XIRP2: variants seen among roughly 807,000 people sequenced by gnomAD.
The protein encoded by XIRP2 is xin actin-binding repeat-containing protein 2.
XIRP2 carries 236 observed loss-of-function variants against 277.0 expected under a neutral mutation model. That is an observed-to-expected ratio of 0.85 (90% CI 0.77 to 0.95). The LOEUF (loss-of-function observed/expected upper bound fraction) is 0.95, where lower values mean the gene tolerates loss of function less well. Ranked by LOEUF, XIRP2 falls within the 40% of genes least tolerant of loss-of-function variation. The pLI is 0.00. For synonymous variants in XIRP2, 1,490 were observed against 1,416.5 expected, an observed-to-expected ratio of 1.05 and a Z score of -1.17; for missense variants, 4,640 against 4,157.5, an observed-to-expected ratio of 1.12 and a Z score of -3.19.
Position 167,251,515 on chromosome 2 carries a change from G to T in XIRP2, c.10123G>T (p.Glu3375Ter). 4 of 1,613,470 alleles carry T rather than the reference G, an allele frequency of 2.5e-6. No homozygotes were observed. The highest frequency in any genetic ancestry group is 3.4e-6 in the Non-Finnish European group (4 of 1,179,628). Reference sequence around the variant, plus strand: ...AGAAAGTCGTACATTTTGTAAGGAGGAATTTGGATTAACATCTTTAGGAAA... The same window carrying T: ...AGAAAGTCGTACATTTTGTAAGGAGTAATTTGGATTAACATCTTTAGGAAA... Reference protein sequence around the residue: ...QQESRTFCKEEFGLTSLGNTS... With the variant: ...QQESRTFCKE Residue 3375 changes from glutamate (E) to a stop codon, truncating the protein, a stop_gained, in exon 9 of 11, where the codon GAA becomes TAA. Coordinates refer to ENST00000409195, the MANE Select transcript of XIRP2 (RefSeq NM_152381.6). LOFTEE classifies it high-confidence loss of function.
rs768815973 is a variant in XIRP2, at chr2:167,250,414, G to T, written c.9022G>T (p.Val3008Leu). 1.1e-5 allele frequency: 17 copies of T among 1,613,280 alleles called. No homozygotes were observed. The highest frequency in any genetic ancestry group is 1.4e-5 in the Non-Finnish European group (16 of 1,179,662). The change falls in exon 9 of 11, where the codon GTA becomes TTA. Residue 3008 changes from valine to leucine, a missense_variant. Val to Leu is a conservative substitution (Grantham distance 32). Coordinates refer to ENST00000409195, the MANE Select transcript of XIRP2 (RefSeq NM_152381.6). ...HIAMENNLEKVKEEITHIKTQ... is the reference protein window; with the variant it reads ...HIAMENNLEKLKEEITHIKTQ... ...TGCCATGGAGAATAATTTAGAAAAA[G>T]TAAAAGAAGAAATAACACATATTAA...
chr2:167,160,645 C>T (rs1221897108), intron 3 of XIRP2, among the ~76,000 whole-genome samples: 2 of 152,130 alleles, frequency 1.3e-5, no homozygotes, highest in Non-Finnish European at 2.9e-5. Flanking sequence ...GAAAGACTTG[C>T]CCCCATGATT....
intron 2 of XIRP2, among the ~76,000 whole-genome samples, chr2:166,947,085 T>C (rs929414898): frequency 6.6e-6 from 1 of 152,198 alleles, no homozygotes; most frequent in Admixed American, 6.5e-5. Flanking sequence ...GAAAATAGAA[T>C]CTATCAATAA....
chr2:166,923,712 C>T (rs760890883), intron 2 of XIRP2, among the ~76,000 whole-genome samples: 5 of 152,202 alleles, frequency 3.3e-5, no homozygotes, highest in Non-Finnish European at 7.4e-5. Context: ...AAGGAGTTCA[C>T]ACTTTTGCAA....
At chr2:166,939,608 A>T (rs1349655800) in intron 2 of XIRP2, among the ~76,000 whole-genome samples, 1 of 134,708 alleles carries the variant, frequency 7.4e-6, no homozygotes, top group Non-Finnish European at 1.5e-5. Context: ...TGAACCCAGG[A>T]GGTGGAGCTT....
chr2:166,969,136 AT>A (rs1686506252), intron 2 of XIRP2, among the ~76,000 whole-genome samples: 1 of 152,004 alleles, frequency 6.6e-6, no homozygotes, highest in Admixed American at 6.6e-5. Flanking sequence ...GTGTTTCTTC[AT>A]TCACATCCAG....
chr2:167,249,638 T>A lies in XIRP2; in HGVS notation c.8246T>A (p.Leu2749Gln). The change falls in exon 9 of 11, where the codon CTG (leucine) becomes CAG (glutamine). Residue 2749 changes from leucine (L) to glutamine (Q), a missense_variant. Transcript: ENST00000409195. ...CAAACCTTTACCAAAAAACAATATC[T>A]GAAAACCAAGAAAACTGAAGCAAGC... is the stretch of plus-strand genomic sequence containing the variant. ...DVQTFTKKQY[L>Q]KTKKTEASTE... 6.2e-7 allele frequency: 1 copy of A among 1,613,472 alleles called. No individual in the cohort carries two copies. Among genetic ancestry groups the A allele is most frequent in the Non-Finnish European group, 8.5e-7 (1 of 1,179,782 alleles).
At chr2:167,222,077 T>A (rs190227634) in intron 5 of XIRP2, among the ~76,000 whole-genome samples, 3 of 152,232 alleles carry the variant, frequency 2.0e-5, no homozygotes, top group Non-Finnish European at 4.4e-5. Flanking sequence ...ATAATTAATC[T>A]ATCTCTGAGA....
chr2:167,175,116 G>T (rs780775559), intron 3 of XIRP2, among the ~76,000 whole-genome samples: 1 of 152,264 alleles, frequency 6.6e-6, no homozygotes, highest in Middle Eastern at 3.4e-3. Flanking sequence ...CCAGAGCTGA[G>T]TTCAAGTCCT....
At chr2:166,934,214 A>AG (rs1685430942) in intron 2 of XIRP2, among the ~76,000 whole-genome samples, 2 of 149,580 alleles carry the variant, frequency 1.3e-5, no homozygotes, top group Non-Finnish European at 3.0e-5. Context: ...AAAAAAAAAA[A>AG]CAAAACTAGG....
At chr2:166,938,465 G>T (rs1031690939) in intron 2 of XIRP2, among the ~76,000 whole-genome samples, 5 of 152,030 alleles carry the variant, frequency 3.3e-5, no homozygotes, top group African/African-American at 1.2e-4. Context: ...AGAGACAGTT[G>T]ATTATAATTT....
At chr2:167,010,665 T>A (rs574157663) in intron 2 of XIRP2, among the ~76,000 whole-genome samples, 1 of 152,318 alleles carries the variant, frequency 6.6e-6, no homozygotes, top group South Asian at 2.1e-4. Flanking sequence ...TTGGGCAGTA[T>A]GGCCATTTTC....
intron 2 of XIRP2, among the ~76,000 whole-genome samples, chr2:167,133,097 G>C (rs550592121): frequency 6.6e-6 from 1 of 152,162 alleles, no homozygotes; most frequent in Non-Finnish European, 1.5e-5. Flanking sequence ...AGGCCACAAA[G>C]CTTATTAGTA....
intron 3 of XIRP2, among the ~76,000 whole-genome samples, chr2:167,164,248 G>A (rs1402740391): frequency 2.0e-5 from 3 of 151,702 alleles, no homozygotes; most frequent in Non-Finnish European, 2.9e-5. Context: ...AGACCATCCT[G>A]GCTAACACGG....
intron 2 of XIRP2, among the ~76,000 whole-genome samples, chr2:167,027,077 T>G (rs1431508702): frequency 6.6e-6 from 1 of 152,196 alleles, no homozygotes; most frequent in African/African-American, 2.4e-5. Flanking sequence ...GAAGTTCTCC[T>G]GGATAATATC....
chr2:167,140,611 G>A (rs1439685456), intron 3 of XIRP2, among the ~76,000 whole-genome samples: 3 of 152,094 alleles, frequency 2.0e-5, no homozygotes, highest in South Asian at 2.1e-4. Flanking sequence ...TTCTGCTTCC[G>A]GACTTGCTTC....
chr2:167,244,856 AG>A lies in XIRP2; in HGVS notation c.3466del (p.Glu1156ArgfsTer27), dbSNP rs761904002. ...GTCAAATTGCAAACTGTAAAACAGG[AG>A]GAGATCCAAGGTGGGGATGTTCGTA... ...TAVKLQTVKQEEIQGGDVRTA... is the reference protein window; with the variant it reads ...TAVKLQTVKQXEIQGGDVRTA... On this transcript the variant is annotated frameshift_variant, in exon 9 of 11. Coordinates refer to ENST00000409195, the MANE Select transcript of XIRP2 (RefSeq NM_152381.6). LOFTEE classifies it high-confidence loss of function. 1 of 1,613,758 alleles carries A rather than the reference AG, an allele frequency of 6.2e-7. No individual in the cohort carries two copies. The highest frequency in any genetic ancestry group is 2.2e-5 in the East Asian group (1 of 44,838).
intron 2 of XIRP2, among the ~76,000 whole-genome samples, chr2:167,011,385 T>C (rs1282671423): frequency 2.1e-4 from 32 of 151,014 alleles, no homozygotes; most frequent in Admixed American, 6.6e-4. Flanking sequence ...TATTGATTTG[T>C]GTATATTGAA....
intron 2 of XIRP2, among the ~76,000 whole-genome samples, chr2:167,040,335 C>G (rs1250248188): frequency 6.6e-6 from 1 of 151,980 alleles, no homozygotes; most frequent in Non-Finnish European, 1.5e-5. Flanking sequence ...AAACTAGGAA[C>G]TCTGAAACTA....
Sources: gnomAD v4.1 joint callset for allele counts (sites outside exome capture counted in the v4.1 genomes callset) on GRCh38, gnomAD v4.1.1 for gene constraint, MANE v1.5 for transcripts, NCBI Gene and HGNC (gene_info 2026-07-23, HGNC 2026-07-21) for gene names.